Variants in ATPAF1 observed in about 807,000 individuals in gnomAD.
ATPAF1 encodes the protein ATP synthase mitochondrial F1 complex assembly factor 1.
ATPAF1 carries 26 observed loss-of-function variants against 43.9 expected under a neutral mutation model. The observed-to-expected ratio is 0.59, with a 90% CI of 0.43 to 0.82. The LOEUF (loss-of-function observed/expected upper bound fraction) is 0.82. Ranked by LOEUF, ATPAF1 falls within the 40% of genes least tolerant of loss-of-function variation. The pLI is 0.00. For synonymous variants in ATPAF1, 157 were observed against 168.0 expected, an observed-to-expected ratio of 0.93 and a Z score of 0.50; for missense variants, 366 against 435.0, an observed-to-expected ratio of 0.84 and a Z score of 1.41.
intron 6 of ATPAF1, among the ~76,000 whole-genome samples, chr1:46,648,425 T>C (rs1266140734): frequency 1.3e-5 from 2 of 152,176 alleles, no homozygotes; most frequent in Non-Finnish European, 2.9e-5. Context: ...TTTTATTGTT[T>C]TGAGACAGGG....
At chr1:46,663,210 CTT>C (rs1192378337) in intron 2 of ATPAF1, among the ~76,000 whole-genome samples, 1 of 152,166 alleles carries the variant, frequency 6.6e-6, no homozygotes, top group Non-Finnish European at 1.5e-5. Context: ...GGTTCCAAGT[CTT>C]TGCTATTGTG....
chr1:46,651,409 T>G (rs1676167676), intron 6 of ATPAF1, among the ~76,000 whole-genome samples: 1 of 152,162 alleles, frequency 6.6e-6, no homozygotes, highest in Admixed American at 6.6e-5. Context: ...TTGTTGGACA[T>G]TTGGGTTGGT....
intron 8 of ATPAF1, among the ~76,000 whole-genome samples, chr1:46,636,621 G>A (rs564296042): frequency 7.9e-5 from 12 of 151,876 alleles, no homozygotes; most frequent in Middle Eastern, 3.4e-3. Context: ...CTAACAAGTA[G>A]ACTATGACAA....
At chr1:46,643,599 A>G (rs1675987310) in intron 7 of ATPAF1, among the ~76,000 whole-genome samples, 1 of 152,268 alleles carries the variant, frequency 6.6e-6, no homozygotes. Flanking sequence ...AAAATGGCAC[A>G]AGCAGCTACC....
chr1:46,645,201 G>A, exon 7 of ATPAF1: 1 of 1,613,968 alleles, frequency 6.2e-7, no homozygotes, highest in East Asian at 2.2e-5. Context: ...TTCAGTACCT[G>A]TCCATTGTCC....
At chr1:46,667,953 G>A (rs1186013419) in intron 1 of ATPAF1, 104 bp downstream of exon 1, 5 of 909,202 alleles carry the variant, frequency 5.5e-6, no homozygotes, top group Non-Finnish European at 5.8e-6. Flanking sequence ...CTGAAGAGCT[G>A]GGACAGTACT....
intron 1 of ATPAF1, chr1:46,666,121 T>TG (rs1414436329): frequency 2.1e-5 from 4 of 188,240 alleles, no homozygotes; most frequent in Non-Finnish European, 3.3e-5. Context: ...AGGGACATCT[T>TG]GGCTATCCCT....
intron 4 of ATPAF1, 149 bp downstream of exon 4, chr1:46,657,978 T>A: frequency 1.3e-6 from 1 of 771,472 alleles, no homozygotes; most frequent in Non-Finnish European, 2.2e-6. Flanking sequence ...AGTTTTCTTA[T>A]GACATTGTTC....
intron 2 of ATPAF1, among the ~76,000 whole-genome samples, chr1:46,662,748 T>C (rs977007714): frequency 3.3e-5 from 5 of 152,250 alleles, no homozygotes; most frequent in African/African-American, 1.2e-4. Flanking sequence ...ATTAATCCTG[T>C]TCTAATTAAC....
At chr1:46,655,094 A>G (rs1253603693) in intron 4 of ATPAF1, among the ~76,000 whole-genome samples, 3 of 152,174 alleles carry the variant, frequency 2.0e-5, no homozygotes, top group Admixed American at 6.6e-5. Flanking sequence ...AAAGCCCCCT[A>G]TAAAACCATC....
At chr1:46,658,765 C>G in intron 2 of ATPAF1, 28 bp from the exon 3 acceptor site, 1 of 1,502,160 alleles carries the variant, frequency 6.7e-7, no homozygotes, top group Non-Finnish European at 9.0e-7. Flanking sequence ...AGATATTAAT[C>G]TACACTTTAC....
At chr1:46,660,120 G>A (rs1055623432) in intron 2 of ATPAF1, among the ~76,000 whole-genome samples, 4 of 151,982 alleles carry the variant, frequency 2.6e-5, no homozygotes, top group African/African-American at 9.7e-5. Flanking sequence ...GGGTCTACAG[G>A]CTTGTGCCAC....
chr1:46,668,331 C>G lies in ATPAF1; in HGVS notation c.-9G>C. ...ACCACCACAGCAGCCATGGCCGCCC[C>G]CGCCTCCTCCTCCTCCTCAGGCGCG... On this transcript the variant is annotated 5_prime_UTR_variant, in exon 1 of 9. Transcript: ENST00000574428. This position sits in a 1 kb window ranked among gnomAD's most constrained non-coding sequence, Gnocchi z 4.4. 7.4e-7 allele frequency: 1 copy of G among 1,357,720 alleles called. No individual in the cohort carries two copies. Among genetic ancestry groups the G allele is most frequent in the Non-Finnish European group, 9.5e-7 (1 of 1,050,722 alleles). The allele number at this position is 1,357,720 out of a possible 1,614,324, so 84.1% of individuals were successfully genotyped here.
chr1:46,647,662 G>A (rs1676069519), intron 6 of ATPAF1, among the ~76,000 whole-genome samples: 1 of 152,062 alleles, frequency 6.6e-6, no homozygotes. Context: ...GAGTTCTCTT[G>A]GGAAAATATC....
intron 8 of ATPAF1, among the ~76,000 whole-genome samples, chr1:46,641,205 G>A (rs1675943267): frequency 6.6e-6 from 1 of 152,048 alleles, no homozygotes; most frequent in Non-Finnish European, 1.5e-5. Context: ...AGCCTTCCGA[G>A]CAGCTGAGAT....
intron 8 of ATPAF1, among the ~76,000 whole-genome samples, chr1:46,638,822 A>G (rs1481142371): frequency 6.6e-6 from 1 of 151,910 alleles, no homozygotes; most frequent in Non-Finnish European, 1.5e-5. Flanking sequence ...CAATAAGATA[A>G]ACATACTAAT....
chr1:46,667,109 A>T (rs538156574), intron 1 of ATPAF1, among the ~76,000 whole-genome samples: 1 of 152,344 alleles, frequency 6.6e-6, no homozygotes, highest in Non-Finnish European at 1.5e-5. Context: ...AAATGGCAAG[A>T]AAGATCACTA....
intron 4 of ATPAF1, among the ~76,000 whole-genome samples, chr1:46,654,185 C>T (rs1301658697): frequency 6.6e-6 from 1 of 152,030 alleles, no homozygotes; most frequent in African/African-American, 2.4e-5. Context: ...ATTTCCTCCC[C>T]AAACCCACAC....
chr1:46,662,855 A>G (rs1299505240), intron 2 of ATPAF1, among the ~76,000 whole-genome samples: 1 of 152,126 alleles, frequency 6.6e-6, no homozygotes, highest in Non-Finnish European at 1.5e-5. Flanking sequence ...ATATCTATAC[A>G]TGTACCATGT....
Sources: gnomAD v4.1 joint callset for allele counts (sites outside exome capture counted in the v4.1 genomes callset) on GRCh38, gnomAD v4.1.1 for gene constraint, Gnocchi (gnomAD v3.1) non-coding constraint, MANE v1.5 for transcripts, NCBI Gene and HGNC (gene_info 2026-07-23, HGNC 2026-07-21) for gene names.